ASCC2: variants seen among roughly 807,000 people sequenced by gnomAD.
The protein encoded by ASCC2 is activating signal cointegrator 1 complex subunit 2.
Under a neutral mutation model 93.5 loss-of-function variants are expected in ASCC2, and 42 were observed. That is an observed-to-expected ratio of 0.45 (90% CI 0.35 to 0.58). ASCC2 has a LOEUF of 0.58. ASCC2 is among the 20% of genes least tolerant of loss of function. ASCC2 has a pLI of 0.00. For synonymous variants in ASCC2, 364 were observed against 384.2 expected (o/e 0.95, Z 0.62); for missense variants, 859 against 977.6 (o/e 0.88, Z 1.62).
At position 29,788,686 on chromosome 22, in the gene ASCC2, A is replaced by C; in HGVS notation, c.*327T>G. 2.6e-6 allele frequency: 1 copy of C among 379,628 alleles called. No individual in the cohort carries two copies. Among genetic ancestry groups the C allele is most frequent in the South Asian group, 3.1e-5 (1 of 32,002 alleles). The allele number at this position is 379,628 out of a possible 1,614,324, so 23.5% of individuals were successfully genotyped here. A position where few individuals can be genotyped will look rare whatever the true frequency, so the allele number is the denominator to read the frequency against. ...TACAGGTTTCCTGCTGTCCAGGGTA[A>C]AGGGGAAGTGGTGTCTTGTGGCCCG... On this transcript the variant is annotated 3_prime_UTR_variant, in exon 20 of 20. Transcript: ENST00000307790.
At chr22:29,820,010 C>A (rs2061362286) in intron 5 of ASCC2, among the ~76,000 whole-genome samples, 1 of 151,916 alleles carries the variant, frequency 6.6e-6, no homozygotes, top group South Asian at 2.1e-4. Flanking sequence ...CAGGGGCATG[C>A]CACCACGCCT....
chr22:29,789,381 G>A (rs1417325571), intron 19 of ASCC2, among the ~76,000 whole-genome samples, 197 bp from the exon 20 acceptor site: 1 of 152,056 alleles, frequency 6.6e-6, no homozygotes, highest in Non-Finnish European at 1.5e-5. Context: ...CCCGAGCCTG[G>A]TGTTTTCTCT....
intron 5 of ASCC2, among the ~76,000 whole-genome samples, chr22:29,818,417 C>CT (rs1413677439): frequency 2.5e-3 from 65 of 26,498 alleles, no homozygotes; most frequent in Non-Finnish European, 4.9e-3. Flanking sequence ...CACACACACA[C>CT]ACACACACAC....
intron 1 of ASCC2, chr22:29,834,543 G>T (rs1173597546): frequency 8.5e-6 from 4 of 470,628 alleles, no homozygotes; most frequent in Non-Finnish European, 1.8e-5. Context: ...CTGCATACAC[G>T]AGGTGGCCTG....
Position 29,825,330 on chromosome 22 carries a change from G to A in ASCC2, c.241-73C>T. 6.8e-7 allele frequency: 1 copy of A among 1,472,164 alleles called. No individual in the cohort carries two copies. Among genetic ancestry groups the A allele is most frequent in the Non-Finnish European group, 9.1e-7 (1 of 1,094,304 alleles). The allele number at this position is 1,472,164 out of a possible 1,614,324, so 91.2% of individuals were successfully genotyped here. A position where few individuals can be genotyped will look rare whatever the true frequency, so the allele number is the denominator to read the frequency against. Reference sequence around the variant, plus strand: ...GGGGCTTGTGGGTGGACTGTGCAGGGACTCAATGCCCATCAGCCCTGCCCT... The same window carrying A: ...GGGGCTTGTGGGTGGACTGTGCAGGAACTCAATGCCCATCAGCCCTGCCCT... On this transcript the variant is annotated intron_variant, in intron 3 of 19. Transcript: ENST00000307790. This position sits in a 1 kb window ranked among gnomAD's most constrained non-coding sequence, Gnocchi z 4.9.
At chr22:29,793,273 C>A in intron 17 of ASCC2, 87 bp downstream of exon 17, 1 of 1,570,678 alleles carries the variant, frequency 6.4e-7, no homozygotes. Flanking sequence ...CCTGGATCTG[C>A]CACATCTGTG....
intron 15 of ASCC2, among the ~76,000 whole-genome samples, chr22:29,796,949 G>A (rs1451818903): frequency 6.6e-6 from 1 of 152,170 alleles, no homozygotes; most frequent in East Asian, 1.9e-4. Context: ...TGGTTATGTG[G>A]CTCCCTGGCA....
intron 8 of ASCC2, among the ~76,000 whole-genome samples, chr22:29,812,711 C>T (rs559016707): frequency 6.6e-6 from 1 of 152,282 alleles, no homozygotes. Flanking sequence ...CTTCACTTCA[C>T]CTGCCTAGGA....
At chr22:29,803,544 C>T (rs948029364) in intron 13 of ASCC2, among the ~76,000 whole-genome samples, 1 of 152,158 alleles carries the variant, frequency 6.6e-6, no homozygotes, top group Non-Finnish European at 1.5e-5. Flanking sequence ...ACCAATTCTT[C>T]CTACTAATCC....
chr22:29,816,111 TG>T (rs1187140967), intron 5 of ASCC2, 38 bp from the exon 6 acceptor site: 2 of 1,521,146 alleles, frequency 1.3e-6, no homozygotes, highest in African/African-American at 1.4e-5. Flanking sequence ...TGAGAAAAGG[TG>T]GGGGCTCGGG....
chr22:29,790,657 T>TGG (rs2057610305), intron 18 of ASCC2, 109 bp from the exon 19 acceptor site: 2 of 1,161,426 alleles, frequency 1.7e-6, no homozygotes, highest in Non-Finnish European at 2.5e-6. Context: ...ATGCCAGGTG[T>TGG]GGGGGGAAGC....
intron 6 of ASCC2, 125 bp downstream of exon 6, chr22:29,815,881 G>T: frequency 2.6e-6 from 2 of 771,716 alleles, no homozygotes; most frequent in Non-Finnish European, 4.3e-6. Context: ...TGTCTGGGGA[G>T]ATGCGAGAGT....
At chr22:29,816,558 C>T (rs904705535) in intron 5 of ASCC2, 2 of 153,010 alleles carry the variant, frequency 1.3e-5, no homozygotes, top group African/African-American at 4.8e-5. Context: ...CCGGAAATTT[C>T]ATACCTTTCA....
chr22:29,828,750 G>C (rs2062759404), intron 2 of ASCC2, among the ~76,000 whole-genome samples: 1 of 152,200 alleles, frequency 6.6e-6, no homozygotes, highest in African/African-American at 2.4e-5. Context: ...GGAAAGGGTG[G>C]GAGGAAGGCA....
chr22:29,808,010 C>A, intron 9 of ASCC2, 101 bp downstream of exon 9: 1 of 1,193,034 alleles, frequency 8.4e-7, no homozygotes. Flanking sequence ...TGGTCCCACC[C>A]ACTTGTCTTA....
intron 9 of ASCC2, 134 bp from the exon 10 acceptor site, chr22:29,807,038 G>C: frequency 1.5e-6 from 1 of 647,152 alleles, no homozygotes; most frequent in Non-Finnish European, 2.6e-6. Flanking sequence ...CCAGGAGTTT[G>C]AGACCAGCCT....
chr22:29,801,935 G>T (rs2059132441), intron 14 of ASCC2, 59 bp downstream of exon 14: 2 of 1,465,058 alleles, frequency 1.4e-6, no homozygotes, highest in African/African-American at 2.8e-5. Context: ...AAGAGAGGAA[G>T]GGGCCCCACC....
At chr22:29,800,960 G>A (rs2059007974) in intron 15 of ASCC2, 31 bp downstream of exon 15, 2 of 1,554,268 alleles carry the variant, frequency 1.3e-6, no homozygotes, top group Non-Finnish European at 8.8e-7. Flanking sequence ...CAGAGTTGGG[G>A]TATCGGAACC....
intron 1 of ASCC2, among the ~76,000 whole-genome samples, chr22:29,835,967 G>A (rs758810765): frequency 3.3e-4 from 50 of 152,112 alleles, no homozygotes; most frequent in Non-Finnish European, 1.2e-4. Flanking sequence ...ATTCCAAGCA[G>A]AGAGCAAGCA....
Sources: gnomAD v4.1 joint callset for allele counts (sites outside exome capture counted in the v4.1 genomes callset) on GRCh38, gnomAD v4.1.1 for gene constraint, Gnocchi (gnomAD v3.1) non-coding constraint, MANE v1.5 for transcripts, NCBI Gene and HGNC (gene_info 2026-07-23, HGNC 2026-07-21) for gene names.